Variants in ASPH observed in about 807,000 individuals in gnomAD.
The protein encoded by ASPH is aspartyl/asparaginyl beta-hydroxylase.
Under a neutral mutation model 118.4 loss-of-function variants are expected in ASPH, and 100 were observed. The observed-to-expected ratio is 0.84, with a 90% confidence interval of 0.72 to 1.00. The LOEUF is 1.00. ASPH is among the 50% of genes least tolerant of loss of function. ASPH has a pLI of 0.00. For synonymous variants in ASPH, 315 were observed against 325.6 expected (o/e 0.97, Z 0.35); for missense variants, 920 against 919.5 (o/e 1.00, Z -0.01).
intron 24 of ASPH, among the ~76,000 whole-genome samples, chr8:61,507,662 G>GAATGT (rs61000478): frequency 3.4e-4 from 51 of 151,370 alleles, no homozygotes; most frequent in African/African-American, 1.2e-3. Flanking sequence ...GGGAAAGGAT[G>GAATGT]TTTTTTTTCC....
At chr8:61,577,212 A>G (rs1835472927) in intron 15 of ASPH, among the ~76,000 whole-genome samples, 1 of 151,958 alleles carries the variant, frequency 6.6e-6, no homozygotes, top group African/African-American at 2.4e-5. Context: ...GCATTAGGAG[A>G]TATACCTAAT....
chr8:61,668,886 A>C (rs1334434151), intron 3 of ASPH, among the ~76,000 whole-genome samples: 1 of 152,212 alleles, frequency 6.6e-6, no homozygotes, highest in Non-Finnish European at 1.5e-5. Flanking sequence ...TTCTGATAAT[A>C]GATTTATTTT....
chr8:61,643,981 C>A lies in ASPH; in HGVS notation c.673G>T (p.Asp225Tyr). 1 of 1,610,606 alleles carries A rather than the reference C, an allele frequency of 6.2e-7. No homozygotes were observed. The highest frequency in any genetic ancestry group is 2.2e-5 in the East Asian group (1 of 44,720). The part of the protein sequence containing the change: ...EETVSQDCNQ[D>Y]MEEMMSEQEN... ...TGCTCAGACATCATCTCTTCCATATCCTGATTACAGTCTTGTGAAACTATA... is the reference window on the plus strand; with the variant it reads ...TGCTCAGACATCATCTCTTCCATATACTGATTACAGTCTTGTGAAACTATA... Residue 225 changes from aspartate to tyrosine, a missense_variant, in exon 8 of 25, where the codon GAT (aspartate) becomes TAT (tyrosine). Physicochemically the swap from Asp to Tyr is radical, Grantham distance 160. Coordinates refer to ENST00000379454, the MANE Select transcript of ASPH (RefSeq NM_004318.4).
At chr8:61,640,548 A>G (rs1804650353) in intron 10 of ASPH, among the ~76,000 whole-genome samples, 1 of 152,176 alleles carries the variant, frequency 6.6e-6, no homozygotes, top group East Asian at 1.9e-4. Context: ...TCATCCACAA[A>G]CTAGGTAAGG....
intron 10 of ASPH, among the ~76,000 whole-genome samples, chr8:61,642,146 G>C (rs1440937767): frequency 6.6e-6 from 1 of 152,170 alleles, no homozygotes; most frequent in Non-Finnish European, 1.5e-5. Context: ...AAATTTGCCA[G>C]AACTGTTTTC....
intron 3 of ASPH, among the ~76,000 whole-genome samples, chr8:61,666,273 C>T (rs1314620309): frequency 1.3e-5 from 2 of 152,148 alleles, no homozygotes; most frequent in Non-Finnish European, 2.9e-5. Context: ...CAAGCTAACA[C>T]ACGTCTTCTA....
Position 61,651,061 on chromosome 8 carries a change from T to C in ASPH, c.479A>G (p.His160Arg), listed in dbSNP as rs1810730728. 2 of 1,613,364 alleles carry C rather than the reference T, an allele frequency of 1.2e-6. No homozygotes were observed. The highest frequency in any genetic ancestry group is 1.7e-5 in the Admixed American group (1 of 59,952). The stretch of plus-strand genomic sequence containing the variant: ...ATTTTAATTCATACCATGTTCTGCG[T>C]GTACCATTTCATGGAGAAGGGACTG... The part of the protein sequence containing the change: ...QIQSLLHEMV[H>R]AEHVEGEDLQ... Residue 160 changes from histidine to arginine, a missense_variant, in exon 5 of 25, where the codon CAC becomes CGC. Physicochemically the swap from His to Arg is conservative, Grantham distance 29 (BLOSUM62 0). Transcript: ENST00000379454.
Position 61,503,195 on chromosome 8 carries a change from A to T in ASPH, c.*164T>A. The T allele has an allele frequency of 1.4e-6, 1 of 705,692 alleles. No homozygotes were observed. Among genetic ancestry groups the T allele is most frequent in the Non-Finnish European group, 2.1e-6 (1 of 485,068 alleles). 43.7% of individuals were successfully genotyped at this position (705,692 alleles called of 1,614,324 possible). A position where few individuals can be genotyped will look rare whatever the true frequency, so the allele number is the denominator to read the frequency against. The stretch of plus-strand genomic sequence containing the variant: ...CTAAATGAATTGCAGCGAGGCAAAT[A>T]TTCCCTTTAGTGTCTTCTGACCCTA... On this transcript the variant is annotated 3_prime_UTR_variant, in exon 25 of 25. Transcript: ENST00000379454.
At chr8:61,654,042 G>C (rs538597054) in intron 3 of ASPH, among the ~76,000 whole-genome samples, 17 of 152,196 alleles carry the variant, frequency 1.1e-4, no homozygotes, top group African/African-American at 4.1e-4. Flanking sequence ...AAATGCACTT[G>C]AATTTTCTGT....
intron 13 of ASPH, chr8:61,625,799 A>G (rs1852543381): frequency 4.1e-6 from 4 of 986,468 alleles, no homozygotes; most frequent in Non-Finnish European, 4.8e-6. Flanking sequence ...AGCGTTTTTA[A>G]GAGTGCTAAC....
At chr8:61,550,541 G>A (rs1200028260) in intron 20 of ASPH, among the ~76,000 whole-genome samples, 4 of 151,932 alleles carry the variant, frequency 2.6e-5, no homozygotes, top group Non-Finnish European at 5.9e-5. Context: ...TCCCAGAAAA[G>A]CCCAGGCCAC....
At chr8:61,584,181 C>T (rs1587660077) in intron 14 of ASPH, 152 bp from the exon 15 acceptor site, 4 of 564,878 alleles carry the variant, frequency 7.1e-6, no homozygotes, top group South Asian at 6.5e-5. Flanking sequence ...CCATTTCCTC[C>T]CCTAGATGGT....
intron 3 of ASPH, chr8:61,664,068 C>T (rs1818280750): frequency 2.1e-6 from 2 of 972,918 alleles, no homozygotes; most frequent in Non-Finnish European, 2.4e-6. Flanking sequence ...ATCAAAAATG[C>T]TACCACAGAG....
chr8:61,563,319 G>A, intron 17 of ASPH, among the ~76,000 whole-genome samples: 1 of 152,082 alleles, frequency 6.6e-6, no homozygotes, highest in Non-Finnish European at 1.5e-5. Context: ...AGGCACCAAA[G>A]TACATAGGAC....
chr8:61,666,901 G>A (rs1447593590), intron 3 of ASPH, among the ~76,000 whole-genome samples: 2 of 152,126 alleles, frequency 1.3e-5, no homozygotes, highest in Admixed American at 1.3e-4. Context: ...TCTGAAAACT[G>A]CTTTTAAAAA....
chr8:61,681,763 C>T lies in ASPH; in HGVS notation c.254-727G>A, dbSNP rs375688417. Among the ~76,000 whole-genome samples the T allele has an allele frequency of 1.2e-4, 18 of 151,918 alleles. No individual in the cohort carries two copies. The East Asian group carries it at 3.3e-3, about 28-fold the overall frequency. Reference sequence around the variant, plus strand: ...GCTGAGAAGACAATACTACCAAAACCTTTCCTCCTGATGAACAGAAAACGT... The same window carrying T: ...GCTGAGAAGACAATACTACCAAAACTTTTCCTCCTGATGAACAGAAAACGT... On this transcript the variant is annotated intron_variant, in intron 2 of 24. Coordinates refer to ENST00000379454, the MANE Select transcript of ASPH (RefSeq NM_004318.4).
chr8:61,629,106 A>G (rs1854373598), intron 13 of ASPH, among the ~76,000 whole-genome samples: 1 of 152,164 alleles, frequency 6.6e-6, no homozygotes, highest in African/African-American at 2.4e-5. Flanking sequence ...ACCACTACCA[A>G]TGCTGGAATA....
intron 1 of ASPH, among the ~76,000 whole-genome samples, chr8:61,698,986 C>G (rs776353275): frequency 1.3e-5 from 2 of 152,168 alleles, no homozygotes; most frequent in African/African-American, 2.4e-5. Context: ...TCTCCAGATC[C>G]CAGGAATGTT....
chr8:61,574,042 T>G (rs1366768916), intron 16 of ASPH, among the ~76,000 whole-genome samples: 1 of 152,122 alleles, frequency 6.6e-6, no homozygotes, highest in Non-Finnish European at 1.5e-5. Flanking sequence ...GGACAAAGGA[T>G]ATGAACAGAC....
Sources: allele counts gnomAD v4.1 joint callset (sites outside exome capture counted in the v4.1 genomes callset), GRCh38; gene constraint gnomAD v4.1.1; transcripts MANE v1.5; gene names NCBI Gene and HGNC (gene_info 2026-07-23, HGNC 2026-07-21).